Variants in STX17 observed in about 807,000 individuals in gnomAD.
STX17 encodes the protein syntaxin-17.
STX17 carries 29 observed loss-of-function variants against 35.9 expected under a neutral mutation model. The observed-to-expected ratio is 0.81, with a 90% CI of 0.60 to 1.10. The LOEUF (loss-of-function observed/expected upper bound fraction) is 1.10, where lower values mean the gene tolerates loss of function less well. STX17 is among the 50% of genes least tolerant of loss of function. The pLI is 0.00. For missense variants in STX17, 312 were observed against 352.3 expected (o/e 0.89, Z 0.92); for synonymous variants, 92 against 118.3 (o/e 0.78, Z 1.44).
chr9:99,945,448 G>A (rs1353589541), intron 3 of STX17, among the ~76,000 whole-genome samples: 1 of 152,006 alleles, frequency 6.6e-6, no homozygotes, highest in Non-Finnish European at 1.5e-5. Context: ...GGTTAAAGTG[G>A]TTTATCTTTT....
intron 1 of STX17, among the ~76,000 whole-genome samples, chr9:99,913,203 T>C (rs978440311): frequency 5.3e-5 from 8 of 152,144 alleles, no homozygotes; most frequent in African/African-American, 1.9e-4. Flanking sequence ...TACTTGAGGC[T>C]GATGTGCTTT....
chr9:99,915,177 G>T lies in STX17; in HGVS notation c.-62-1G>T. 2 of 1,489,970 alleles carry T rather than the reference G, an allele frequency of 1.3e-6. No individual in the cohort carries two copies. Among genetic ancestry groups the T allele is most frequent in the Non-Finnish European group, 8.9e-7 (1 of 1,119,180 alleles). The allele number at this position is 1,489,970 out of a possible 1,614,324, so 92.3% of individuals were successfully genotyped here. Reference sequence around the variant, plus strand: ...TTCTTAAAGAAATATTTTTCTTTTAGGTTTTTCTATATGAGTGGAGAAGAC... The same window carrying T: ...TTCTTAAAGAAATATTTTTCTTTTATGTTTTTCTATATGAGTGGAGAAGAC... On this transcript the variant is annotated splice_acceptor_variant, in intron 1 of 7. Transcript: ENST00000259400. LOFTEE classifies it low-confidence loss of function (5UTR_SPLICE).
At chr9:99,921,665 T>C (rs2118338003) in intron 2 of STX17, among the ~76,000 whole-genome samples, 1 of 151,540 alleles carries the variant, frequency 6.6e-6, no homozygotes, top group South Asian at 2.1e-4. Context: ...ATTTACAGCC[T>C]GCAGTGTTTT....
In STX17 at chr9:99,921,262, C is replaced by T. The variant is rs369636695; in HGVS notation, c.123+5900C>T. The stretch of plus-strand genomic sequence containing the variant: ...CCTAAGATTACATCATTTTAGAAGC[C>T]ACTCTATACTGACAGCTTTTTAAAT... On this transcript the variant is annotated intron_variant, in intron 2 of 7. Coordinates refer to ENST00000259400, the MANE Select transcript of STX17 (RefSeq NM_017919.3). 1.2e-4 allele frequency among the ~76,000 whole-genome samples: 19 copies of T among 152,136 alleles called. No homozygotes were observed. The East Asian group carries it at 1.7e-3, about 14-fold the overall frequency.
chr9:99,910,312 G>A (rs964626064), intron 1 of STX17, among the ~76,000 whole-genome samples: 8 of 151,526 alleles, frequency 5.3e-5, no homozygotes, highest in African/African-American at 1.9e-4. Context: ...GGAATGCAAA[G>A]TAAAGCAATA....
At chr9:99,956,516 G>T (rs1476069415) in intron 4 of STX17, among the ~76,000 whole-genome samples, 1 of 152,104 alleles carries the variant, frequency 6.6e-6, no homozygotes, top group Non-Finnish European at 1.5e-5. Flanking sequence ...AGGTCATAGA[G>T]TAATTCATTT....
At chr9:99,941,814 T>A (rs533822525) in intron 3 of STX17, among the ~76,000 whole-genome samples, 1 of 152,348 alleles carries the variant, frequency 6.6e-6, no homozygotes, top group South Asian at 2.1e-4. Flanking sequence ...TGTTTTTGCC[T>A]ATAACAATAG....
intron 1 of STX17, among the ~76,000 whole-genome samples, chr9:99,913,104 T>C (rs1442864800): frequency 6.6e-6 from 1 of 152,156 alleles, no homozygotes; most frequent in African/African-American, 2.4e-5. Flanking sequence ...GTCTTTTATG[T>C]CTCATTTTTT....
chr9:99,940,223 C>T lies in STX17; in HGVS notation c.190-10837C>T, dbSNP rs569419649. 1.4e-3 allele frequency among the ~76,000 whole-genome samples: 216 copies of T among 152,174 alleles called. 2 individuals are homozygous for T. The highest frequency in any genetic ancestry group is 5.0e-3 in the African/African-American group (208 of 41,524). On this transcript the variant is annotated intron_variant, in intron 3 of 7. Coordinates refer to ENST00000259400, the MANE Select transcript of STX17 (RefSeq NM_017919.3). Reference sequence around the variant, plus strand: ...TCAGCTCACTGCAACCACCACCTCCCGGGTTCAAGTGAGTCTCCTGCCTCA... The same window carrying T: ...TCAGCTCACTGCAACCACCACCTCCTGGGTTCAAGTGAGTCTCCTGCCTCA...
At chr9:99,924,574 G>A (rs922038086) in intron 2 of STX17, among the ~76,000 whole-genome samples, 1 of 152,160 alleles carries the variant, frequency 6.6e-6, no homozygotes, top group African/African-American at 2.4e-5. Context: ...CTATGGGGTA[G>A]ATATTATTTA....
At chr9:99,921,033 T>C (rs1828873595) in intron 2 of STX17, among the ~76,000 whole-genome samples, 1 of 152,208 alleles carries the variant, frequency 6.6e-6, no homozygotes. Context: ...TAGGTGTTTT[T>C]ATATATCATA....
chr9:99,916,220 C>A, intron 2 of STX17: 1 of 364,786 alleles, frequency 2.7e-6, no homozygotes, highest in South Asian at 2.1e-5. Flanking sequence ...TTGCATAGAA[C>A]CTACCATGCT....
chr9:99,931,083 C>T (rs1164085918), intron 3 of STX17, among the ~76,000 whole-genome samples: 6 of 152,102 alleles, frequency 3.9e-5, no homozygotes, highest in South Asian at 2.1e-4. Context: ...CGGTTTCAAG[C>T]GATTCTCCTG....
intron 1 of STX17, among the ~76,000 whole-genome samples, chr9:99,909,484 CTT>C (rs1828617332): frequency 1.3e-5 from 2 of 152,136 alleles, no homozygotes; most frequent in Admixed American, 6.5e-5. Context: ...AAGATAATCT[CTT>C]TGTGGTATAG....
At chr9:99,952,698 C>T (rs1490143147) in intron 4 of STX17, among the ~76,000 whole-genome samples, 1 of 151,982 alleles carries the variant, frequency 6.6e-6, no homozygotes. Flanking sequence ...TACTATGCAG[C>T]CATAAAAAAT....
chr9:99,924,581 T>C (rs1038104896), intron 2 of STX17, among the ~76,000 whole-genome samples: 1 of 152,206 alleles, frequency 6.6e-6, no homozygotes, highest in Non-Finnish European at 1.5e-5. Context: ...GTAGATATTA[T>C]TTATCTTCAT....
rs553158712 is a variant in STX17, at chr9:99,951,878, A to G, written c.415+593A>G. 1.2e-3 allele frequency among the ~76,000 whole-genome samples: 178 copies of G among 152,192 alleles called. 1 individual carries two copies. Among genetic ancestry groups the G allele is most frequent in the African/African-American group, 4.2e-3 (173 of 41,578 alleles). On this transcript the variant is annotated intron_variant, in intron 4 of 7. Coordinates refer to ENST00000259400, the MANE Select transcript of STX17 (RefSeq NM_017919.3). ...TGAAAATATTCTTGGCTTAATACATAGTAGTACTTCAAAGTAGTTGGTCTT... is the reference window on the plus strand; with the variant it reads ...TGAAAATATTCTTGGCTTAATACATGGTAGTACTTCAAAGTAGTTGGTCTT...
chr9:99,915,371 T>C lies in STX17; in HGVS notation c.123+9T>C. 1 of 1,577,788 alleles carries C rather than the reference T, an allele frequency of 6.3e-7. No homozygotes were observed. Among genetic ancestry groups the C allele is most frequent in the South Asian group, 1.2e-5 (1 of 84,742 alleles). On this transcript the variant is annotated intron_variant, in intron 2 of 7. Transcript: ENST00000259400. ...AGATAAATATTGAGAAGGTGAGCTG[T>C]TTCATTTACTACCACAAGAAATAGT... is the stretch of plus-strand genomic sequence containing the variant.
chr9:99,945,697 T>C (rs1829467436), intron 3 of STX17: 4 of 380,500 alleles, frequency 1.1e-5, no homozygotes, highest in South Asian at 8.0e-5. Flanking sequence ...TTTTTTAATT[T>C]ATCTAATTTT....
Sources: gnomAD v4.1 joint callset for allele counts (sites outside exome capture counted in the v4.1 genomes callset) on GRCh38, gnomAD v4.1.1 for gene constraint, MANE v1.5 for transcripts, NCBI Gene and HGNC (gene_info 2026-07-23, HGNC 2026-07-21) for gene names.